The following RNF180 variants were observed in gnomAD, a reference collection of about 807,000 sequenced individuals.
RNF180 encodes ring finger protein 180, also known as E3 ubiquitin-protein ligase RNF180.
A neutral mutation model predicts 59.2 loss-of-function variants in RNF180; 38 were observed. The ratio of observed to expected loss-of-function variants is 0.64; its 90% CI spans 0.50 to 0.84. The LOEUF (loss-of-function observed/expected upper bound fraction) is 0.84, where lower values mean the gene tolerates loss of function less well. Among genes scored for constraint, RNF180 ranks in the 40% least tolerant of loss-of-function variants. The probability of loss-of-function intolerance (pLI) is 0.00; values close to 1 mark genes in which losing one functional copy is unlikely to be tolerated. For synonymous variants in RNF180, 262 were observed against 240.3 expected, an observed-to-expected ratio of 1.09 and a Z score of -0.84; for missense variants, 705 against 700.9, an observed-to-expected ratio of 1.01 and a Z score of -0.07.
chr5:64,284,614 T>G (rs1742185846), intron 5 of RNF180, among the ~76,000 whole-genome samples: 1 of 152,254 alleles, frequency 6.6e-6, no homozygotes, highest in African/African-American at 2.4e-5. Flanking sequence ...GAACCTTATC[T>G]ATTCTGCTGT....
At chr5:64,210,344 T>C (rs1752240018) in intron 2 of RNF180, among the ~76,000 whole-genome samples, 1 of 152,152 alleles carries the variant, frequency 6.6e-6, no homozygotes, top group Admixed American at 6.6e-5. Context: ...ACCTTGGACT[T>C]ACCAGAGTGT....
chr5:64,284,235 G>A (rs544218567), intron 5 of RNF180, among the ~76,000 whole-genome samples: 9 of 4,778 alleles, frequency 1.9e-3, no homozygotes, highest in Non-Finnish European at 3.0e-3. Context: ...CTGTTGGCCT[G>A]ATGGGATTCC....
intron 7 of RNF180, among the ~76,000 whole-genome samples, chr5:64,357,064 A>T (rs1294006385): frequency 6.6e-6 from 1 of 151,886 alleles, no homozygotes; most frequent in Non-Finnish European, 1.5e-5. Flanking sequence ...CGAAACAAAA[A>T]AATGTGTAAT....
chr5:64,172,795 A>G (rs1420567856), intron 1 of RNF180, among the ~76,000 whole-genome samples: 1 of 152,134 alleles, frequency 6.6e-6, no homozygotes, highest in East Asian at 1.9e-4. Context: ...ACTTGAGAGA[A>G]GTAGGAGGGG....
At chr5:64,194,249 G>T (rs928109493) in intron 1 of RNF180, among the ~76,000 whole-genome samples, 4 of 152,014 alleles carry the variant, frequency 2.6e-5, no homozygotes, top group African/African-American at 9.7e-5. Flanking sequence ...GTGAGAACAT[G>T]CAGTGTTTGG....
chr5:64,178,495 A>G (rs761956116), intron 1 of RNF180, among the ~76,000 whole-genome samples: 3 of 152,182 alleles, frequency 2.0e-5, no homozygotes, highest in Non-Finnish European at 4.4e-5. Context: ...TCATATCAAG[A>G]GAGTGTTTCA....
rs1259616248 is a variant in RNF180, at chr5:64,371,160, T to C, written c.*1346T>C. 6.6e-6 allele frequency: 1 copy of C among 151,690 alleles called. No homozygotes were observed. The highest frequency in any genetic ancestry group is 1.9e-4 in the East Asian group (1 of 5,162). The allele number at this position is 151,690 out of a possible 1,614,324, so 9.4% of individuals were successfully genotyped here. A position where few individuals can be genotyped will look rare whatever the true frequency, so the allele number is the denominator to read the frequency against. On this transcript the variant is annotated 3_prime_UTR_variant, in exon 8 of 8. Transcript: ENST00000389100. The stretch of plus-strand genomic sequence containing the variant: ...GATTTCTATTCTAATGCTGTTCTTA[T>C]TATTGTGTTTTAAATTATATCTATT...
chr5:64,175,907 C>G (rs541548994), intron 1 of RNF180, among the ~76,000 whole-genome samples: 30 of 152,124 alleles, frequency 2.0e-4, no homozygotes, highest in African/African-American at 6.7e-4. Flanking sequence ...TCAGATAATT[C>G]TCTATTGGCA....
rs143607705 is a variant in RNF180 at position 64,207,678 on chromosome 5, T to A, written c.136-4387T>A. 3.9e-3 allele frequency among the ~76,000 whole-genome samples: 592 copies of A among 152,282 alleles called. 2 individuals carry two copies. The highest frequency in any genetic ancestry group is 0.014 in the African/African-American group (573 of 41,564). ...TTGAGGCAGGGAGCCTGTTTGTTTT[T>A]TAAGTGAGGCTTTCATTTTTTTCAA... On this transcript the variant is annotated intron_variant, in intron 2 of 7. Coordinates refer to ENST00000389100, the MANE Select transcript of RNF180 (RefSeq NM_001113561.2).
In RNF180 at chr5:64,236,634, G is replaced by T. The variant is rs779837124; in HGVS notation, c.1227+19238G>T. On this transcript the variant is annotated intron_variant, in intron 5 of 7. Coordinates refer to ENST00000389100, the MANE Select transcript of RNF180 (RefSeq NM_001113561.2). ...AAGACAATGAGGAAAATATCTCCAC[G>T]GCACGTCAGAGATCTTTGTGGCAGC... Among the ~76,000 whole-genome samples, 4 of 152,110 alleles carry T rather than the reference G, an allele frequency of 2.6e-5. No homozygotes were observed. In the East Asian group the frequency reaches 5.8e-4, roughly 22 times the overall value.
intron 5 of RNF180, among the ~76,000 whole-genome samples, chr5:64,289,022 T>C (rs1321381962): frequency 6.6e-6 from 1 of 152,184 alleles, no homozygotes; most frequent in Non-Finnish European, 1.5e-5. Context: ...ATACTGGATG[T>C]GGGTTTGTCA....
At chr5:64,168,813 G>A (rs993586727) in intron 1 of RNF180, among the ~76,000 whole-genome samples, 1 of 152,056 alleles carries the variant, frequency 6.6e-6, no homozygotes, top group African/African-American at 2.4e-5. Context: ...TGACCACACC[G>A]ATGTCAAAAG....
intron 1 of RNF180, among the ~76,000 whole-genome samples, chr5:64,188,483 C>T (rs966823565): frequency 6.6e-6 from 1 of 151,606 alleles, no homozygotes; most frequent in Non-Finnish European, 1.5e-5. Context: ...ATATTATTTG[C>T]CCTGAGATGG....
At chr5:64,250,990 C>T (rs1407470482) in intron 5 of RNF180, among the ~76,000 whole-genome samples, 1 of 152,100 alleles carries the variant, frequency 6.6e-6, no homozygotes, top group East Asian at 1.9e-4. Context: ...GTCAACATCA[C>T]ATTAAAAAGA....
intron 7 of RNF180, among the ~76,000 whole-genome samples, chr5:64,356,045 C>T (rs376189818): frequency 6.9e-4 from 104 of 151,406 alleles, no homozygotes; most frequent in Middle Eastern, 6.8e-3. Context: ...CACTTGAGGC[C>T]GGGAGTTCAA....
At chr5:64,360,667 T>G (rs895893345) in intron 7 of RNF180, among the ~76,000 whole-genome samples, 3 of 151,748 alleles carry the variant, frequency 2.0e-5, no homozygotes, top group African/African-American at 7.2e-5. Context: ...AAATTACCAA[T>G]GTCTAGAACT....
At chr5:64,357,285 A>C (rs986385511) in intron 7 of RNF180, among the ~76,000 whole-genome samples, 1 of 151,854 alleles carries the variant, frequency 6.6e-6, no homozygotes, top group African/African-American at 2.4e-5. Context: ...CCTAGTTGTG[A>C]CTATAAATAT....
At chr5:64,170,965 T>C (rs72769825) in intron 1 of RNF180, among the ~76,000 whole-genome samples, 15,525 of 152,228 alleles carry the variant, frequency 0.1, 897 homozygotes, top group South Asian at 0.17. Context: ...GGTGATAACT[T>C]TTGGCATAGT....
At chr5:64,349,936 C>A (rs1745724947) in intron 7 of RNF180, among the ~76,000 whole-genome samples, 1 of 151,804 alleles carries the variant, frequency 6.6e-6, no homozygotes, top group Non-Finnish European at 1.5e-5. Context: ...GATTTATAAT[C>A]CTTTGGGTAT....
Sources: gnomAD v4.1 joint callset for allele counts (sites outside exome capture counted in the v4.1 genomes callset) on GRCh38, gnomAD v4.1.1 for gene constraint, MANE v1.5 for transcripts, NCBI Gene and HGNC (gene_info 2026-07-23, HGNC 2026-07-21) for gene names.